MACROD2: variants seen among roughly 807,000 people sequenced by gnomAD.
MACROD2 encodes the protein ADP-ribose glycohydrolase MACROD2.
A neutral mutation model predicts 70.4 loss-of-function variants in MACROD2; 36 were observed. The ratio of observed to expected loss-of-function variants is 0.51; its 90% CI spans 0.39 to 0.68. The LOEUF (loss-of-function observed/expected upper bound fraction) is 0.68, where lower values mean the gene tolerates loss of function less well. Among genes scored for constraint, MACROD2 ranks in the 30% least tolerant of loss-of-function variants. MACROD2 has a pLI of 0.00. For missense variants in MACROD2, 496 were observed against 538.4 expected (o/e 0.92, Z 0.78); for synonymous variants, 172 against 178.8 (o/e 0.96, Z 0.30).
intron 5 of MACROD2, among the ~76,000 whole-genome samples, chr20:15,122,176 A>G (rs1219436626): frequency 6.6e-6 from 1 of 152,312 alleles, no homozygotes; most frequent in East Asian, 1.9e-4. Flanking sequence ...TTTCAATGTA[A>G]TAAGCTTCTT....
At chr20:14,947,963 C>CA (rs972933512) in intron 5 of MACROD2, among the ~76,000 whole-genome samples, 7 of 152,192 alleles carry the variant, frequency 4.6e-5, no homozygotes, top group Admixed American at 1.3e-4. Context: ...CAACAACTCA[C>CA]AAAAACTTTC....
intron 5 of MACROD2, among the ~76,000 whole-genome samples, chr20:15,140,879 A>T (rs370760169): frequency 7.2e-5 from 11 of 152,336 alleles, no homozygotes; most frequent in African/African-American, 2.6e-4. Flanking sequence ...CCATAATGAC[A>T]GTAACTGCCT....
intron 3 of MACROD2, among the ~76,000 whole-genome samples, chr20:14,421,399 GT>G (rs2083874634): frequency 6.6e-6 from 1 of 152,096 alleles, no homozygotes; most frequent in South Asian, 2.1e-4. Flanking sequence ...CTCCTTAGTA[GT>G]TATGAGTCTA....
At chr20:14,054,174 A>C (rs2053606336) in intron 2 of MACROD2, among the ~76,000 whole-genome samples, 1 of 151,534 alleles carries the variant, frequency 6.6e-6, no homozygotes, top group Non-Finnish European at 1.5e-5. Flanking sequence ...AAACCAAATG[A>C]GTATTTGGAA....
intron 3 of MACROD2, among the ~76,000 whole-genome samples, chr20:14,307,024 C>G (rs1368011101): frequency 6.6e-6 from 1 of 151,294 alleles, no homozygotes; most frequent in Non-Finnish European, 1.5e-5. Context: ...CACACACACA[C>G]ACACACACAC....
chr20:15,592,869 T>C (rs75997465), intron 8 of MACROD2, among the ~76,000 whole-genome samples: 1 of 152,324 alleles, frequency 6.6e-6, no homozygotes, highest in East Asian at 1.9e-4. Flanking sequence ...CTTTCTCTTC[T>C]TGTCAGCCTT....
At chr20:14,514,723 G>T (rs890341937) in intron 4 of MACROD2, among the ~76,000 whole-genome samples, 3 of 152,024 alleles carry the variant, frequency 2.0e-5, no homozygotes, top group African/African-American at 7.2e-5. Flanking sequence ...GTGTTGAATG[G>T]CGCCAATACC....
Position 14,002,305 on chromosome 20 carries a change from A to T in MACROD2, c.64A>T (p.Thr22Ser). 10 of 1,595,184 alleles carry T rather than the reference A, an allele frequency of 6.3e-6. No individual in the cohort carries two copies. Among genetic ancestry groups the T allele is most frequent in the Non-Finnish European group, 6.8e-6 (8 of 1,172,832 alleles). The change falls in exon 2 of 18, where the codon ACC becomes TCC. Residue 22 changes from threonine (T) to serine (S), a missense_variant. Physicochemically the swap from Thr to Ser is moderately conservative, Grantham distance 58 (BLOSUM62 1). Coordinates refer to ENST00000684519, the MANE Select transcript of MACROD2 (RefSeq NM_001351661.2). ...TTTGCAAGAACGTTTATTGAAGATG[A>T]CCTTAGAAGAGAGACGCAAAGAATA... is the stretch of plus-strand genomic sequence containing the variant. ...REEKERLLKM[T>S]LEERRKEYLR...
chr20:15,274,796 G>T (rs1449175615), intron 6 of MACROD2, among the ~76,000 whole-genome samples: 3 of 152,180 alleles, frequency 2.0e-5, no homozygotes, highest in African/African-American at 7.2e-5. Flanking sequence ...AAATTTTAAT[G>T]GCACATTGTG....
intron 5 of MACROD2, among the ~76,000 whole-genome samples, chr20:15,163,955 C>G (rs1439382722): frequency 1.3e-5 from 2 of 151,966 alleles, no homozygotes; most frequent in Non-Finnish European, 2.9e-5. Context: ...AGACAAAAAT[C>G]CTTCTGAGGA....
Position 16,045,534 on chromosome 20 carries a change from G to A in MACROD2, c.1300+895G>A, listed in dbSNP as rs149584245. Among the ~76,000 whole-genome samples, 1,143 of 152,222 alleles carry A rather than the reference G, an allele frequency of 7.5e-3. 7 individuals carry two copies. The highest frequency in any genetic ancestry group is 0.011 in the South Asian group (51 of 4,822). On this transcript the variant is annotated intron_variant, in intron 17 of 17. Coordinates refer to ENST00000684519, the MANE Select transcript of MACROD2 (RefSeq NM_001351661.2). ...TCTCTTTGAGGAAAAGGAACAGAGAGGTGGTTGAGATCAAGAGGTGACAGA... is the reference window on the plus strand; with the variant it reads ...TCTCTTTGAGGAAAAGGAACAGAGAAGTGGTTGAGATCAAGAGGTGACAGA...
At chr20:14,935,315 C>A (rs182209461) in intron 5 of MACROD2, 4 of 152,208 alleles carry the variant, frequency 2.6e-5, no homozygotes, top group Non-Finnish European at 2.9e-5. Context: ...AATTCTGGTT[C>A]CATCATTCAA....
At chr20:15,936,692 T>TATATATATATATATATA (rs1555797429) in intron 11 of MACROD2, among the ~76,000 whole-genome samples, 3 of 146,928 alleles carry the variant, frequency 2.0e-5, no homozygotes, top group Admixed American at 6.9e-5. Flanking sequence ...TATATATTCA[T>TATATATATATATATATA]TTTCCAGTTA....
At chr20:14,654,470 T>A (rs562660299) in intron 4 of MACROD2, among the ~76,000 whole-genome samples, 1 of 149,838 alleles carries the variant, frequency 6.7e-6, no homozygotes, top group African/African-American at 2.5e-5. Flanking sequence ...CTCTTGAACC[T>A]GGGAGGTGGA....
intron 5 of MACROD2, among the ~76,000 whole-genome samples, chr20:15,206,724 T>G (rs796103173): frequency 1.2e-4 from 7 of 57,868 alleles, no homozygotes; most frequent in African/African-American, 6.5e-4. Context: ...TATCTATGTT[T>G]TTTTTTTTTT....
intron 7 of MACROD2, among the ~76,000 whole-genome samples, chr20:15,478,559 G>C (rs1210143126): frequency 6.6e-6 from 1 of 151,878 alleles, no homozygotes; most frequent in African/African-American, 2.4e-5. Context: ...GTGTCTGTGT[G>C]TGTGTGTGTG....
At chr20:15,319,009 G>A (rs1003276301) in intron 6 of MACROD2, among the ~76,000 whole-genome samples, 14 of 152,014 alleles carry the variant, frequency 9.2e-5, no homozygotes, top group African/African-American at 2.9e-4. Context: ...TGGAAAGGAA[G>A]AAGTAAAACT....
chr20:14,382,306 C>T (rs1379150214), intron 3 of MACROD2, among the ~76,000 whole-genome samples: 7 of 138,652 alleles, frequency 5.0e-5, no homozygotes, highest in Middle Eastern at 3.4e-3. Flanking sequence ...GTGATCCGCC[C>T]GCCTTGGCCT....
chr20:15,344,457 T>TA (rs2078142793), intron 6 of MACROD2, among the ~76,000 whole-genome samples: 1 of 152,200 alleles, frequency 6.6e-6, no homozygotes, highest in South Asian at 2.1e-4. Context: ...CTATGATTGT[T>TA]AAAAGATGTT....
Sources: allele counts gnomAD v4.1 joint callset (sites outside exome capture counted in the v4.1 genomes callset), GRCh38; gene constraint gnomAD v4.1.1; transcripts MANE v1.5; gene names NCBI Gene and HGNC (gene_info 2026-07-23, HGNC 2026-07-21).